CDH23: variants seen among roughly 807,000 people sequenced by gnomAD.
CDH23 encodes the protein cadherin related 23.
CDH23 carries 189 observed loss-of-function variants against 317.1 expected under a neutral mutation model. That is an observed-to-expected ratio of 0.60 (90% CI 0.53 to 0.67). The LOEUF (loss-of-function observed/expected upper bound fraction) is 0.67. CDH23 is among the 30% of genes least tolerant of loss of function. The pLI is 0.00. For synonymous variants in CDH23, 1,839 were observed against 1,876.8 expected, an observed-to-expected ratio of 0.98 and a Z score of 0.52; for missense variants, 4,401 against 4,592.4, an observed-to-expected ratio of 0.96 and a Z score of 1.20.
chr10:71,518,970 C>T (rs1281710117), intron 6 of CDH23, among the ~76,000 whole-genome samples: 2 of 152,220 alleles, frequency 1.3e-5, no homozygotes, highest in African/African-American at 4.8e-5. Context: ...TCCTCCACCA[C>T]CCACAGCACC....
chr10:71,412,831 T>C (rs1848395553), intron 1 of CDH23, among the ~76,000 whole-genome samples: 2 of 152,228 alleles, frequency 1.3e-5, no homozygotes, highest in African/African-American at 2.4e-5. Flanking sequence ...ATTGGGTTGT[T>C]TGTCTTGTTG....
chr10:71,430,645 T>C (rs1849328000), intron 1 of CDH23, among the ~76,000 whole-genome samples: 1 of 152,066 alleles, frequency 6.6e-6, no homozygotes, highest in African/African-American at 2.4e-5. Flanking sequence ...CCGTCTCTAC[T>C]AAAAATACAA....
intron 9 of CDH23, among the ~76,000 whole-genome samples, chr10:71,583,351 C>G (rs1177972809): frequency 6.6e-6 from 1 of 151,262 alleles, no homozygotes; most frequent in Non-Finnish European, 1.5e-5. Flanking sequence ...GTCCTGGGAG[C>G]AGCAGGGGGC....
At chr10:71,524,864 G>A (rs1589164003) in intron 6 of CDH23, among the ~76,000 whole-genome samples, 1 of 152,278 alleles carries the variant, frequency 6.6e-6, no homozygotes, top group South Asian at 2.1e-4. Context: ...GATTTCCCTT[G>A]GAGCCTCCAG....
chr10:71,548,037 G>A (rs529098434), intron 6 of CDH23, among the ~76,000 whole-genome samples: 8 of 152,340 alleles, frequency 5.3e-5, no homozygotes, highest in East Asian at 1.9e-4. Context: ...TGTCAGCTGC[G>A]TGGTGACGGA....
At chr10:71,407,202 A>C (rs1848132578) in intron 1 of CDH23, among the ~76,000 whole-genome samples, 1 of 152,174 alleles carries the variant, frequency 6.6e-6, no homozygotes, top group Admixed American at 6.5e-5. Context: ...CACTATACAG[A>C]TGGAAACTGA....
At chr10:71,416,349 G>A (rs910709069) in intron 1 of CDH23, among the ~76,000 whole-genome samples, 1 of 152,106 alleles carries the variant, frequency 6.6e-6, no homozygotes, top group Non-Finnish European at 1.5e-5. Flanking sequence ...TAACTTATTA[G>A]AGTAATTTTT....
chr10:71,704,506 G>T (rs1400644885), intron 24 of CDH23, among the ~76,000 whole-genome samples: 1 of 152,214 alleles, frequency 6.6e-6, no homozygotes, highest in Non-Finnish European at 1.5e-5. Flanking sequence ...GGCAGGGGAA[G>T]TCTGTGAATC....
chr10:71,609,166 G>C (rs1860707757), intron 9 of CDH23, among the ~76,000 whole-genome samples: 1 of 151,998 alleles, frequency 6.6e-6, no homozygotes, highest in South Asian at 2.1e-4. Context: ...CCAGCCTGGA[G>C]GAAGAAAGAG....
chr10:71,447,889 A>G (rs1354050811), intron 3 of CDH23, among the ~76,000 whole-genome samples: 3 of 152,192 alleles, frequency 2.0e-5, no homozygotes, highest in African/African-American at 7.2e-5. Flanking sequence ...TGGGGCTGGC[A>G]TGGAGCCAAC....
chr10:71,675,282 G>T (rs2132664831), intron 15 of CDH23, 106 bp downstream of exon 15: 2 of 928,840 alleles, frequency 2.2e-6, no homozygotes, highest in East Asian at 2.6e-5. Context: ...GGAGGTGCTG[G>T]GTCCTGTGGC....
intron 3 of CDH23, among the ~76,000 whole-genome samples, chr10:71,469,084 C>T (rs1026514654): frequency 2.0e-5 from 3 of 152,238 alleles, no homozygotes; most frequent in Admixed American, 1.3e-4. Context: ...CTACCACTTT[C>T]GTTCCTTTTT....
At chr10:71,507,481 CAGG>C (rs1853708563) in intron 3 of CDH23, among the ~76,000 whole-genome samples, 1 of 152,158 alleles carries the variant, frequency 6.6e-6, no homozygotes, top group African/African-American at 2.4e-5. Flanking sequence ...CACTTGGGGT[CAGG>C]AGTTCAATAT....
intron 16 of CDH23, among the ~76,000 whole-genome samples, 179 bp from the exon 17 acceptor site, chr10:71,679,208 C>G (rs1864503842): frequency 6.6e-6 from 1 of 152,160 alleles, no homozygotes; most frequent in Non-Finnish European, 1.5e-5. Flanking sequence ...AGTGCGGCCT[C>G]CAGTTGAAGC....
intron 20 of CDH23, among the ~76,000 whole-genome samples, chr10:71,693,866 C>T (rs1264561093): frequency 6.6e-6 from 1 of 152,174 alleles, no homozygotes; most frequent in Non-Finnish European, 1.5e-5. Flanking sequence ...GCCCCTAACC[C>T]CGAGAATCAG....
At chr10:71,612,512 G>C (rs1210760763) in intron 9 of CDH23, among the ~76,000 whole-genome samples, 1 of 152,164 alleles carries the variant, frequency 6.6e-6, no homozygotes, top group Non-Finnish European at 1.5e-5. Flanking sequence ...CTTCAGGTTT[G>C]TGAATGATTT....
At chr10:71,616,923 C>T (rs1345245752) in intron 10 of CDH23, among the ~76,000 whole-genome samples, 2 of 152,256 alleles carry the variant, frequency 1.3e-5, no homozygotes, top group African/African-American at 2.4e-5. Context: ...CCTACCCCAT[C>T]TCATCCATCT....
rs549966170 is a variant in CDH23 at position 71,815,379 on chromosome 10, C to A, written c.*101C>A. 2.8e-4 allele frequency: 331 copies of A among 1,186,510 alleles called. 3 individuals carry two copies. In the South Asian group the frequency reaches 4.0e-3, roughly 14 times the overall value. The allele number at this position is 1,186,510 out of a possible 1,614,324, so 73.5% of individuals were successfully genotyped here. On this transcript the variant is annotated 3_prime_UTR_variant, in exon 70 of 70. Transcript: ENST00000224721. ...GCCGGTCGGGGGGGACCCTCCAAGG[C>A]CAGGCCTTGGGGACAACCTTGGCTT... is the stretch of plus-strand genomic sequence containing the variant.
intron 21 of CDH23, among the ~76,000 whole-genome samples, chr10:71,694,721 C>T (rs1261091761): frequency 6.6e-6 from 1 of 152,114 alleles, no homozygotes; most frequent in Non-Finnish European, 1.5e-5. Context: ...ACGTGGGGGC[C>T]TCGAATGAGC....
Sources: allele counts gnomAD v4.1 joint callset (sites outside exome capture counted in the v4.1 genomes callset), GRCh38; gene constraint gnomAD v4.1.1; transcripts MANE v1.5; gene names NCBI Gene and HGNC (gene_info 2026-07-23, HGNC 2026-07-21).